The following BLCAP variants were observed in gnomAD, a reference collection of about 807,000 sequenced individuals.
The protein encoded by BLCAP is BLCAP apoptosis inducing factor, also known as apoptosis inducing factor BLCAP.
BLCAP carries 1 observed loss-of-function variant against 5.7 expected under a neutral mutation model. The ratio of observed to expected loss-of-function variants is 0.18; its 90% CI spans 0.06 to 0.83. The LOEUF is 0.83. BLCAP is among the 40% of genes least tolerant of loss of function. The pLI is 0.71. For missense variants in BLCAP, 66 were observed against 107.6 expected (o/e 0.61, Z 1.71); for synonymous variants, 48 against 49.4 (o/e 0.97, Z 0.11).
chr20:37,519,129 G>A lies in BLCAP; in HGVS notation c.46C>T (p.Pro16Ser). ...WLLPVLLIPK[P>S]LNPALWFSHS... Reference sequence around the variant, plus strand: ...CTGAACCACAGGGCGGGGTTGAGGGGCTTGGGGATGAGGAGGACGGGCAGC... The same window carrying A: ...CTGAACCACAGGGCGGGGTTGAGGGACTTGGGGATGAGGAGGACGGGCAGC... The change falls in exon 2 of 2, where the codon CCC becomes TCC. Residue 16 changes from proline to serine, a missense_variant. Physicochemically the swap from Pro to Ser is moderately conservative, Grantham distance 74. Coordinates refer to ENST00000373537, the MANE Select transcript of BLCAP (RefSeq NM_006698.4). The A allele has an allele frequency of 6.2e-7, 1 of 1,607,696 alleles. No homozygotes were observed. Among genetic ancestry groups the A allele is most frequent in the Non-Finnish European group, 8.5e-7 (1 of 1,177,458 alleles).
intron 1 of BLCAP, chr20:37,520,229 C>T (rs925393866): frequency 5.3e-5 from 8 of 152,280 alleles, no homozygotes; most frequent in African/African-American, 1.9e-4. Flanking sequence ...GCGGGGACCA[C>T]ACTCACAAAC....
At chr20:37,519,634 A>T (rs1323687093) in intron 1 of BLCAP, among the ~76,000 whole-genome samples, 1 of 152,142 alleles carries the variant, frequency 6.6e-6, no homozygotes, top group Non-Finnish European at 1.5e-5. Context: ...ACGGTTTCAC[A>T]CAGTGGGCTG....
At position 37,521,461 on chromosome 20, in the gene BLCAP, G is replaced by C; in HGVS notation, c.-176-2111C>G. 1 of 1,529,212 alleles carries C rather than the reference G, an allele frequency of 6.5e-7. No homozygotes were observed. Among genetic ancestry groups the C allele is most frequent in the Non-Finnish European group, 9.1e-7 (1 of 1,102,778 alleles). 94.7% of individuals were successfully genotyped at this position (1,529,212 alleles called of 1,614,324 possible). On this transcript the variant is annotated intron_variant, in intron 1 of 1. Transcript: ENST00000373537. This position sits in a 1 kb window ranked among gnomAD's most constrained non-coding sequence, Gnocchi z 4.5. Reference sequence around the variant, plus strand: ...TTCCCAACTCGCGCCCCTAGAACCCGCAAGACTGCGTCGCGATTGCCGCTT... The same window carrying C: ...TTCCCAACTCGCGCCCCTAGAACCCCCAAGACTGCGTCGCGATTGCCGCTT...
intron 1 of BLCAP, chr20:37,522,598 G>GGCGCC: frequency 2.3e-6 from 2 of 864,474 alleles, no homozygotes; most frequent in Non-Finnish European, 3.4e-6. Context: ...GCGGGGGTGG[G>GGCGCC]CACGGCAGCA....
intron 1 of BLCAP, 64 bp from the exon 2 acceptor site, chr20:37,519,414 A>AC (rs1555806255): frequency 3.3e-6 from 1 of 305,956 alleles, no homozygotes; most frequent in Non-Finnish European, 5.7e-6. Flanking sequence ...CAAAAAAAAA[A>AC]AAAAAAAAAG....
chr20:37,525,831 C>G (rs1417169103), intron 1 of BLCAP, among the ~76,000 whole-genome samples: 1 of 152,164 alleles, frequency 6.6e-6, no homozygotes, highest in Admixed American at 6.5e-5. Context: ...GTCCCCTTTG[C>G]CTAAACCATC....
At position 37,527,253 on chromosome 20, in the gene BLCAP, G is replaced by A. The variant is rs541844828; in HGVS notation, c.-177+540C>T. 3.9e-4 allele frequency among the ~76,000 whole-genome samples: 60 copies of A among 152,216 alleles called. No homozygotes were observed. In the East Asian group the frequency reaches 0.011, roughly 28 times the overall value. On this transcript the variant is annotated intron_variant, in intron 1 of 1. Transcript: ENST00000373537. ...TCCACCCTTGATGTAAAGTTGGAGG[G>A]AGTAAGAAGCGCCCGCGACTCTTAG...
In BLCAP at chr20:37,521,952, GA is replaced by G. The variant is rs538352293; in HGVS notation, c.-176-2603del. Among the ~76,000 whole-genome samples, 525 of 149,618 alleles carry G rather than the reference GA, an allele frequency of 3.5e-3. 2 individuals carry two copies. Among genetic ancestry groups the G allele is most frequent in the African/African-American group, 0.012 (489 of 40,946 alleles). On this transcript the variant is annotated intron_variant, in intron 1 of 1. Transcript: ENST00000373537. This position sits in a 1 kb window ranked among gnomAD's most constrained non-coding sequence, Gnocchi z 4.5. ...GAATTAGAGAAAAAGTAGTTCACAG[GA>G]AAACAGAAAAACGCGCATTGCAGGA... is the stretch of plus-strand genomic sequence containing the variant.
At chr20:37,522,486 A>G (rs1179874608) in intron 1 of BLCAP, 2 of 1,566,408 alleles carry the variant, frequency 1.3e-6, no homozygotes, top group East Asian at 4.5e-5. Flanking sequence ...TGCAGCTCTC[A>G]GCACAGTTGG....
At position 37,517,914 on chromosome 20, in the gene BLCAP, C is replaced by G. The variant is rs901354250; in HGVS notation, c.*997G>C. ...ACCTACCATATATAGCTAGCTATTGCTAAACCTCAAAATCAGACCACGTTC... is the reference window on the plus strand; with the variant it reads ...ACCTACCATATATAGCTAGCTATTGGTAAACCTCAAAATCAGACCACGTTC... On this transcript the variant is annotated 3_prime_UTR_variant, in exon 2 of 2. Transcript: ENST00000373537. The G allele has an allele frequency of 2.0e-5, 3 of 152,574 alleles. No individual in the cohort carries two copies. The highest frequency in any genetic ancestry group is 2.0e-4 in the Admixed American group (3 of 15,268). The allele number at this position is 152,574 out of a possible 1,614,324, so 9.5% of individuals were successfully genotyped here. A position where few individuals can be genotyped will look rare whatever the true frequency, so the allele number is the denominator to read the frequency against.
In BLCAP at chr20:37,518,252, T is replaced by C. The variant is rs1006058044; in HGVS notation, c.*659A>G. The C allele has an allele frequency of 6.6e-6, 1 of 152,234 alleles. No individual in the cohort carries two copies. The highest frequency in any genetic ancestry group is 2.4e-5 in the African/African-American group (1 of 41,442). 9.4% of individuals were successfully genotyped at this position (152,234 alleles called of 1,614,324 possible). A position where few individuals can be genotyped will look rare whatever the true frequency, so the allele number is the denominator to read the frequency against. On this transcript the variant is annotated 3_prime_UTR_variant, in exon 2 of 2. Transcript: ENST00000373537. ...CACCCAGGTGAAAGAGCAACATCTA[T>C]CTGTTGCTTCCTTTCTTAAAAATGA... is the stretch of plus-strand genomic sequence containing the variant.
Position 37,521,293 on chromosome 20 carries a change from A to G in BLCAP, c.-176-1943T>C, listed in dbSNP as rs1178072930. 1.2e-6 allele frequency: 2 copies of G among 1,608,088 alleles called. No individual in the cohort carries two copies. Among genetic ancestry groups the G allele is most frequent in the African/African-American group, 2.7e-5 (2 of 74,682 alleles). On this transcript the variant is annotated intron_variant, in intron 1 of 1. Coordinates refer to ENST00000373537, the MANE Select transcript of BLCAP (RefSeq NM_006698.4). This position sits in a 1 kb window ranked among gnomAD's most constrained non-coding sequence, Gnocchi z 4.5. Reference sequence around the variant, plus strand: ...CTCCGAGACCAGCGGATCTCGGCAAACCCTCTTTCTCGACCACCCACCTAC... The same window carrying G: ...CTCCGAGACCAGCGGATCTCGGCAAGCCCTCTTTCTCGACCACCCACCTAC...
intron 1 of BLCAP, among the ~76,000 whole-genome samples, chr20:37,526,363 C>T (rs1290198804): frequency 7.0e-6 from 1 of 143,316 alleles, no homozygotes; most frequent in Non-Finnish European, 1.5e-5. Flanking sequence ...AATCTCTTTT[C>T]CCCCCGGTAA....
chr20:37,524,601 T>C (rs1423783728), intron 1 of BLCAP: 1 of 152,296 alleles, frequency 6.6e-6, no homozygotes, highest in East Asian at 1.9e-4. Context: ...GGGAGGGAGT[T>C]GGAGGGCCAT....
Position 37,527,862 on chromosome 20 carries a change from CA to C in BLCAP, c.-247del, listed in dbSNP as rs2147198506. 1 of 152,686 alleles carries C rather than the reference CA, an allele frequency of 6.5e-6. No individual in the cohort carries two copies. Among genetic ancestry groups the C allele is most frequent in the East Asian group, 1.9e-4 (1 of 5,182 alleles). The allele number at this position is 152,686 out of a possible 1,614,324, so 9.5% of individuals were successfully genotyped here. A position where few individuals can be genotyped will look rare whatever the true frequency, so the allele number is the denominator to read the frequency against. ...GCAGCCTGCCTCCACCTCAGCTCGCCACCGACGCCGCAGGAAGCCGGGGAGA... is the reference window on the plus strand; with the variant it reads ...GCAGCCTGCCTCCACCTCAGCTCGCCCCGACGCCGCAGGAAGCCGGGGAGA... On this transcript the variant is annotated 5_prime_UTR_variant, in exon 1 of 2. Coordinates refer to ENST00000373537, the MANE Select transcript of BLCAP (RefSeq NM_006698.4).
rs1257040411 is a variant in BLCAP at position 37,518,981 on chromosome 20, C to G, written c.194G>C (p.Cys65Ser). Residue 65 changes from cysteine (C) to serine (S), a missense_variant, in exon 2 of 2, where the codon TGT becomes TCT. By Grantham distance (112) the Cys-to-Ser change is moderately radical. Coordinates refer to ENST00000373537, the MANE Select transcript of BLCAP (RefSeq NM_006698.4). ...GGAATCGGAGCAGTGGTACAGGAAA[C>G]AGTTTCCCCAGCAGCTATAGCAGAT... Reference protein sequence around the residue: ...FLICYSCWGNCFLYHCSDSPL... With the variant: ...FLICYSCWGNSFLYHCSDSPL... The G allele has an allele frequency of 5.0e-6, 8 of 1,613,972 alleles. No individual in the cohort carries two copies. The highest frequency in any genetic ancestry group is 6.8e-6 in the Non-Finnish European group (8 of 1,179,946).
intron 1 of BLCAP, among the ~76,000 whole-genome samples, chr20:37,519,665 A>T (rs1210795821): frequency 6.6e-6 from 1 of 152,190 alleles, no homozygotes; most frequent in Non-Finnish European, 1.5e-5. Context: ...GGCCCTGCCC[A>T]GCAGAGATCA....
chr20:37,525,965 G>A (rs1383150009), intron 1 of BLCAP, among the ~76,000 whole-genome samples: 1 of 152,188 alleles, frequency 6.6e-6, no homozygotes, highest in Non-Finnish European at 1.5e-5. Flanking sequence ...AATACTCCAG[G>A]ATGTTAGTTT....
chr20:37,521,432 A>C lies in BLCAP; in HGVS notation c.-176-2082T>G, dbSNP rs757810678. 3.7e-6 allele frequency: 6 copies of C among 1,608,428 alleles called. No homozygotes were observed. Among genetic ancestry groups the C allele is most frequent in the Non-Finnish European group, 8.5e-7 (1 of 1,174,888 alleles). ...AGTCTGACGGGGTTTCGGGTGGGAG[A>C]GGGTTCCCAACTCGCGCCCCTAGAA... On this transcript the variant is annotated intron_variant, in intron 1 of 1. Transcript: ENST00000373537. This position sits in a 1 kb window ranked among gnomAD's most constrained non-coding sequence, Gnocchi z 4.5.
Sources: gnomAD v4.1 joint callset for allele counts (sites outside exome capture counted in the v4.1 genomes callset) on GRCh38, gnomAD v4.1.1 for gene constraint, Gnocchi (gnomAD v3.1) non-coding constraint, MANE v1.5 for transcripts, NCBI Gene and HGNC (gene_info 2026-07-23, HGNC 2026-07-21) for gene names.